MYT1L: variants seen among roughly 807,000 people sequenced by gnomAD.
MYT1L encodes myelin transcription factor 1-like protein.
In MYT1L, 12 loss-of-function variants were observed where a neutral mutation model predicts 126.7. The observed-to-expected ratio is 0.09, with a 90% CI of 0.06 to 0.15. The LOEUF (loss-of-function observed/expected upper bound fraction) is 0.15, where lower values mean the gene tolerates loss of function less well. Among genes scored for constraint, MYT1L ranks in the 10% least tolerant of loss-of-function variants. The pLI is 1.00. For missense variants in MYT1L, 979 were observed against 1,585.2 expected, an observed-to-expected ratio of 0.62 and a Z score of 6.49; for synonymous variants, 541 against 604.2, an observed-to-expected ratio of 0.90 and a Z score of 1.53.
At chr2:1,976,544 A>T (rs961919998) in intron 8 of MYT1L, among the ~76,000 whole-genome samples, 2 of 152,294 alleles carry the variant, frequency 1.3e-5, no homozygotes, top group Non-Finnish European at 2.9e-5. Flanking sequence ...CTGGAGGCTG[A>T]GGCATGAGAA....
At position 2,041,931 on chromosome 2, in the gene MYT1L, T is replaced by C. The variant is rs139419048; in HGVS notation, c.-158+12047A>G. Among the ~76,000 whole-genome samples the C allele has an allele frequency of 7.6e-3, 1,156 of 152,330 alleles. 15 individuals carry two copies. Among genetic ancestry groups the C allele is most frequent in the African/African-American group, 0.027 (1,111 of 41,564 alleles). ...ATCTAAGTCCCATAAAGAAATAGTT[T>C]TGTGGAGCATCTCTCCACACCCCTA... On this transcript the variant is annotated intron_variant, in intron 4 of 24. Coordinates refer to ENST00000647738, the MANE Select transcript of MYT1L (RefSeq NM_001303052.2).
intron 21 of MYT1L, chr2:1,826,854 G>A (rs2039427714): frequency 6.6e-6 from 1 of 151,434 alleles, no homozygotes; most frequent in African/African-American, 2.4e-5. Context: ...GGAGCATGGG[G>A]TGGGGGTCGG....
chr2:2,124,048 G>T (rs2081378108), intron 3 of MYT1L, among the ~76,000 whole-genome samples: 1 of 152,200 alleles, frequency 6.6e-6, no homozygotes, highest in African/African-American at 2.4e-5. Flanking sequence ...ACCACAGAGT[G>T]TATGGCCAAT....
intron 2 of MYT1L, among the ~76,000 whole-genome samples, chr2:2,200,235 A>C (rs1364636619): frequency 6.6e-6 from 1 of 152,206 alleles, no homozygotes; most frequent in Non-Finnish European, 1.5e-5. Flanking sequence ...ATGATTTGCC[A>C]TTGTACTAGG....
chr2:1,911,782 T>C lies in MYT1L; in HGVS notation c.1709+238A>G, dbSNP rs151183694. On this transcript the variant is annotated intron_variant, in intron 12 of 24. Transcript: ENST00000647738. The stretch of plus-strand genomic sequence containing the variant: ...TCCTTCCAGCCATTGTAAATGGTCA[T>C]GGTTTCCACTCCTGATACTATACCC... Among the ~76,000 whole-genome samples, 883 of 152,300 alleles carry C rather than the reference T, an allele frequency of 5.8e-3. 5 individuals carry two copies. Among genetic ancestry groups the C allele is most frequent in the Middle Eastern group, 0.024 (7 of 294 alleles).
In MYT1L at chr2:1,923,200, T is replaced by C. The variant is rs773308219; in HGVS notation, c.569A>G (p.Asn190Ser). Residue 190 changes from asparagine to serine, a missense_variant, in exon 10 of 25, where the codon AAT becomes AGT. Physicochemically the swap from Asn to Ser is conservative, Grantham distance 46 (BLOSUM62 1). Coordinates refer to ENST00000647738, the MANE Select transcript of MYT1L (RefSeq NM_001303052.2). Reference sequence around the variant, plus strand: ...ATCGTAATTGTCATATTCGTCATTATTGTTATCATCCTTTTCTGTGTCTTG... The same window carrying C: ...ATCGTAATTGTCATATTCGTCATTACTGTTATCATCCTTTTCTGTGTCTTG... Reference protein sequence around the residue: ...IMQDTEKDDNNNDEYDNYDEL... With the variant: ...IMQDTEKDDNSNDEYDNYDEL... 1.9e-6 allele frequency: 3 copies of C among 1,613,428 alleles called. No homozygotes were observed. The highest frequency in any genetic ancestry group is 1.1e-5 in the South Asian group (1 of 90,958).
At chr2:2,067,753 G>A (rs1349265898) in intron 3 of MYT1L, among the ~76,000 whole-genome samples, 1 of 151,974 alleles carries the variant, frequency 6.6e-6, no homozygotes, top group Non-Finnish European at 1.5e-5. Flanking sequence ...TAAGGAAAGT[G>A]GAAGGTCAAG....
chr2:2,156,255 G>A (rs142223516), intron 3 of MYT1L, among the ~76,000 whole-genome samples: 11 of 152,320 alleles, frequency 7.2e-5, no homozygotes, highest in Admixed American at 5.2e-4. Context: ...TTGTTTATCA[G>A]AAACCTATTG....
chr2:1,831,130 C>T (rs974386131), intron 21 of MYT1L, among the ~76,000 whole-genome samples: 3 of 148,340 alleles, frequency 2.0e-5, no homozygotes, highest in South Asian at 2.1e-4. Flanking sequence ...CAACCCCACT[C>T]GGGTGCCCGA....
chr2:2,297,631 G>A (rs189798554), intron 1 of MYT1L, among the ~76,000 whole-genome samples: 1 of 152,176 alleles, frequency 6.6e-6, no homozygotes, highest in Non-Finnish European at 1.5e-5. Flanking sequence ...GCCAACAGTT[G>A]CATGTGCCAC....
intron 1 of MYT1L, among the ~76,000 whole-genome samples, chr2:2,294,490 C>T (rs1390351434): frequency 6.6e-6 from 1 of 152,088 alleles, no homozygotes; most frequent in Non-Finnish European, 1.5e-5. Context: ...CATCTGAGGC[C>T]AGGCAGCCCA....
rs550792563 is a variant in MYT1L, at chr2:2,184,153, T to C, written c.-420-11165A>G. The stretch of plus-strand genomic sequence containing the variant: ...AATAATGTAGGTCATGCTGAGGCTG[T>C]TCACAATTTTAAACGTCTAAAAAAC... On this transcript the variant is annotated intron_variant, in intron 2 of 24. Transcript: ENST00000647738. Among the ~76,000 whole-genome samples, 4 of 152,238 alleles carry C rather than the reference T, an allele frequency of 2.6e-5. No homozygotes were observed. The South Asian group carries it at 8.3e-4, about 32-fold the overall frequency.
intron 18 of MYT1L, among the ~76,000 whole-genome samples, chr2:1,869,474 T>G (rs1011306441): frequency 6.6e-6 from 1 of 152,244 alleles, no homozygotes; most frequent in Non-Finnish European, 1.5e-5. Flanking sequence ...CCTGTGTGTG[T>G]GCCTGCATGT....
At chr2:2,106,186 C>T (rs1007229067) in intron 3 of MYT1L, among the ~76,000 whole-genome samples, 2 of 152,192 alleles carry the variant, frequency 1.3e-5, no homozygotes, top group South Asian at 4.2e-4. Context: ...CTTTGGAAGC[C>T]TTTCAACTTT....
intron 18 of MYT1L, among the ~76,000 whole-genome samples, chr2:1,867,394 T>C (rs1558213601): frequency 6.6e-6 from 1 of 152,156 alleles, no homozygotes; most frequent in Non-Finnish European, 1.5e-5. Flanking sequence ...CGCCCTTGCC[T>C]CCTGCCTATC....
intron 2 of MYT1L, among the ~76,000 whole-genome samples, chr2:2,237,766 G>C (rs73913270): frequency 0.021 from 3,137 of 152,232 alleles, 91 homozygotes; most frequent in African/African-American, 0.072. Context: ...TCATTGCTCA[G>C]GGTCACGTGG....
At chr2:2,164,116 A>T (rs2088574517) in intron 3 of MYT1L, among the ~76,000 whole-genome samples, 2 of 152,182 alleles carry the variant, frequency 1.3e-5, no homozygotes, top group African/African-American at 4.8e-5. Flanking sequence ...CTTTTTAATG[A>T]ACTTGGCTAA....
chr2:2,193,446 C>T (rs2092679786), intron 2 of MYT1L, among the ~76,000 whole-genome samples: 1 of 152,176 alleles, frequency 6.6e-6, no homozygotes, highest in Non-Finnish European at 1.5e-5. Flanking sequence ...GAATGTCCTC[C>T]TGCGGCTGCA....
intron 2 of MYT1L, among the ~76,000 whole-genome samples, chr2:2,279,561 GAATGAAT>G (rs1559535647): frequency 7.3e-5 from 7 of 96,120 alleles, no homozygotes; most frequent in African/African-American, 3.1e-4. Flanking sequence ...GAGAAGGAAT[GAATGAAT>G]GAAGGAAGGA....
Sources: allele counts gnomAD v4.1 joint callset (sites outside exome capture counted in the v4.1 genomes callset), GRCh38; gene constraint gnomAD v4.1.1; transcripts MANE v1.5; gene names NCBI Gene and HGNC (gene_info 2026-07-23, HGNC 2026-07-21).